The following COG5 variants were observed in gnomAD, a reference collection of about 807,000 sequenced individuals.
COG5 encodes conserved oligomeric Golgi complex subunit 5.
In COG5, 86 loss-of-function variants were observed where a neutral mutation model predicts 110.4. The observed-to-expected ratio is 0.78, with a 90% CI of 0.65 to 0.93. COG5 has a LOEUF of 0.93. Among genes scored for constraint, COG5 ranks in the 40% least tolerant of loss-of-function variants. The pLI is 0.00. For synonymous variants in COG5, 360 were observed against 334.6 expected, an observed-to-expected ratio of 1.08 and a Z score of -0.83; for missense variants, 1,077 against 987.0, an observed-to-expected ratio of 1.09 and a Z score of -1.22.
chr7:107,336,000 T>C (rs1370138631), intron 10 of COG5, among the ~76,000 whole-genome samples: 3 of 152,070 alleles, frequency 2.0e-5, no homozygotes, highest in Admixed American at 1.3e-4. Context: ...AAAGGAGAGA[T>C]AGATAGCAAC....
chr7:107,311,895 C>T (rs960451289), intron 11 of COG5, among the ~76,000 whole-genome samples: 5 of 151,786 alleles, frequency 3.3e-5, no homozygotes, highest in Admixed American at 6.6e-5. Context: ...TTCATCATTG[C>T]TTCTGGATGT....
intron 7 of COG5, among the ~76,000 whole-genome samples, chr7:107,408,144 G>A (rs1792000002): frequency 6.6e-6 from 1 of 152,180 alleles, no homozygotes; most frequent in African/African-American, 2.4e-5. Flanking sequence ...GACAAATCTG[G>A]TTTATTGCTT....
intron 10 of COG5, among the ~76,000 whole-genome samples, chr7:107,345,374 T>C (rs1328764643): frequency 3.9e-5 from 6 of 152,162 alleles, no homozygotes; most frequent in Non-Finnish European, 7.3e-5. Flanking sequence ...TGATGCAGAA[T>C]TGTCACTGAC....
chr7:107,514,119 A>G (rs1265649169), intron 6 of COG5, among the ~76,000 whole-genome samples: 1 of 152,166 alleles, frequency 6.6e-6, no homozygotes, highest in Non-Finnish European at 1.5e-5. Context: ...GCAGCTAGGC[A>G]ATAAAAATGT....
intron 7 of COG5, among the ~76,000 whole-genome samples, chr7:107,388,077 C>T (rs924744286): frequency 6.6e-6 from 1 of 152,174 alleles, no homozygotes; most frequent in African/African-American, 2.4e-5. Flanking sequence ...AATTTTTCCA[C>T]CAAAATTGGA....
At chr7:107,419,690 C>T (rs965994995) in intron 6 of COG5, among the ~76,000 whole-genome samples, 2 of 151,966 alleles carry the variant, frequency 1.3e-5, no homozygotes, top group Admixed American at 6.6e-5. Flanking sequence ...GTCTCAGCCT[C>T]CTGAGTAGCT....
At chr7:107,364,619 C>A (rs1292517597) in intron 8 of COG5, among the ~76,000 whole-genome samples, 2 of 152,056 alleles carry the variant, frequency 1.3e-5, no homozygotes, top group Admixed American at 1.3e-4. Flanking sequence ...ACGTTTAATA[C>A]CAGGCAGTAG....
At chr7:107,531,171 C>T (rs1326464289) in intron 5 of COG5, among the ~76,000 whole-genome samples, 1 of 151,776 alleles carries the variant, frequency 6.6e-6, no homozygotes, top group Non-Finnish European at 1.5e-5. Flanking sequence ...ATCATCTGTC[C>T]TAAAGTTTCC....
At chr7:107,465,257 T>A (rs1278561974) in intron 6 of COG5, among the ~76,000 whole-genome samples, 1 of 152,172 alleles carries the variant, frequency 6.6e-6, no homozygotes, top group Admixed American at 6.6e-5. Flanking sequence ...GACTAATATA[T>A]GAATTTAGTA....
At chr7:107,220,279 A>C (rs1799819954) in intron 19 of COG5, among the ~76,000 whole-genome samples, 1 of 152,262 alleles carries the variant, frequency 6.6e-6, no homozygotes, top group African/African-American at 2.4e-5. Context: ...TAATGTGTAC[A>C]GGATCATCAT....
chr7:107,363,435 C>T (rs757805769), intron 8 of COG5, among the ~76,000 whole-genome samples: 22 of 151,822 alleles, frequency 1.4e-4, no homozygotes, highest in Admixed American at 9.2e-4. Flanking sequence ...TTTGGCCATC[C>T]AAAATAATAC....
At chr7:107,543,926 T>G (rs939605878) in intron 5 of COG5, among the ~76,000 whole-genome samples, 1 of 151,622 alleles carries the variant, frequency 6.6e-6, no homozygotes, top group Non-Finnish European at 1.5e-5. Context: ...CAGAACCCAG[T>G]GCCAGGCCTG....
At chr7:107,244,952 G>A (rs1801942028) in intron 17 of COG5, among the ~76,000 whole-genome samples, 1 of 152,108 alleles carries the variant, frequency 6.6e-6, no homozygotes, top group South Asian at 2.1e-4. Flanking sequence ...CTCATTCTAT[G>A]AGGCCAGCAT....
At chr7:107,284,540 CAAGAGTGAGACAAAATAAA>C (rs1805469471) in intron 12 of COG5, among the ~76,000 whole-genome samples, 2 of 152,086 alleles carry the variant, frequency 1.3e-5, no homozygotes, top group Admixed American at 1.3e-4. Flanking sequence ...GTGTTACTAA[CAAGAGTGAGACAAAATAAA>C]AAGTATTTAT....
chr7:107,209,371 G>A, intron 21 of COG5: 1 of 280,766 alleles, frequency 3.6e-6, no homozygotes, highest in Non-Finnish European at 5.4e-6. Flanking sequence ...GAGAAGGTTT[G>A]AGAGAAAAGA....
chr7:107,328,144 T>C (rs1488088892), intron 10 of COG5, among the ~76,000 whole-genome samples: 2 of 152,222 alleles, frequency 1.3e-5, no homozygotes, highest in Non-Finnish European at 2.9e-5. Flanking sequence ...AATTCTGTCA[T>C]TGTGCAAAAA....
At chr7:107,528,665 C>A (rs768741398) in intron 5 of COG5, among the ~76,000 whole-genome samples, 2 of 152,130 alleles carry the variant, frequency 1.3e-5, no homozygotes, top group Non-Finnish European at 2.9e-5. Flanking sequence ...GAGAGACATT[C>A]CATACTGCTG....
chr7:107,331,122 T>C (rs1386502605), intron 10 of COG5, among the ~76,000 whole-genome samples: 1 of 152,204 alleles, frequency 6.6e-6, no homozygotes. Flanking sequence ...ATCATAGATA[T>C]AATAGTGAAC....
intron 5 of COG5, among the ~76,000 whole-genome samples, chr7:107,541,750 T>C (rs542560409): frequency 1.0e-3 from 152 of 150,394 alleles, no homozygotes; most frequent in African/African-American, 3.5e-3. Context: ...GGCCAATATG[T>C]TGAAACCCTG....
Sources: allele counts gnomAD v4.1 joint callset (sites outside exome capture counted in the v4.1 genomes callset), GRCh38; gene constraint gnomAD v4.1.1; transcripts MANE v1.5; gene names NCBI Gene and HGNC (gene_info 2026-07-23, HGNC 2026-07-21).